Variants in TDRD7 observed in about 807,000 individuals in gnomAD.
The protein encoded by TDRD7 is tudor domain-containing protein 7.
A neutral mutation model predicts 109.8 loss-of-function variants in TDRD7; 47 were observed. The ratio of observed to expected loss-of-function variants is 0.43; its 90% CI spans 0.34 to 0.55. The LOEUF (loss-of-function observed/expected upper bound fraction) is 0.55. Ranked by LOEUF, TDRD7 falls within the 20% of genes least tolerant of loss-of-function variation. The probability of loss-of-function intolerance (pLI) is 0.03; values close to 1 mark genes in which losing one functional copy is unlikely to be tolerated. For missense variants in TDRD7, 1,164 were observed against 1,319.2 expected (o/e 0.88, Z 1.82); for synonymous variants, 424 against 457.3 (o/e 0.93, Z 0.93).
intron 4 of TDRD7, among the ~76,000 whole-genome samples, chr9:97,434,933 G>A (rs924852203): frequency 1.3e-5 from 2 of 152,228 alleles, no homozygotes; most frequent in Middle Eastern, 3.4e-3. Context: ...CATACTGTGT[G>A]ATTTTATTTA....
chr9:97,468,153 G>A (rs1258705297), intron 8 of TDRD7, among the ~76,000 whole-genome samples: 1 of 152,210 alleles, frequency 6.6e-6, no homozygotes, highest in Admixed American at 6.5e-5. Context: ...CAGGTTGGGA[G>A]GCATCAGCAT....
intron 5 of TDRD7, among the ~76,000 whole-genome samples, chr9:97,439,777 C>CTTT (rs1265993750): frequency 2.0e-5 from 3 of 152,196 alleles, no homozygotes; most frequent in Non-Finnish European, 4.4e-5. Context: ...CACTAATCAT[C>CTTT]TAAATATGAA....
At position 97,441,763 on chromosome 9, in the gene TDRD7, A is replaced by C; in HGVS notation, c.743A>C (p.His248Pro). 6.2e-7 allele frequency: 1 copy of C among 1,613,890 alleles called. No individual in the cohort carries two copies. Among genetic ancestry groups the C allele is most frequent in the Non-Finnish European group, 8.5e-7 (1 of 1,179,860 alleles). ...QNRIKEILNK[H>P]NNGIWISKLP... is the part of the protein sequence containing the mutation. ...CGCATAAAGGAAATACTAAACAAGC[A>C]TAACAATGGCATTTGGATATCTAAG... Residue 248 changes from histidine to proline, a missense_variant, in exon 6 of 17, where the codon CAT (histidine) becomes CCT (proline). His to Pro is a moderately conservative substitution (Grantham distance 77, BLOSUM62 -2). Coordinates refer to ENST00000355295, the MANE Select transcript of TDRD7 (RefSeq NM_014290.3).
chr9:97,493,814 C>T (rs543806103), intron 16 of TDRD7, among the ~76,000 whole-genome samples: 9 of 152,314 alleles, frequency 5.9e-5, no homozygotes, highest in Admixed American at 2.0e-4. Flanking sequence ...AAGAATTCAG[C>T]GATATTTCTC....
At chr9:97,465,279 T>A (rs1261810721) in intron 8 of TDRD7, among the ~76,000 whole-genome samples, 1 of 152,168 alleles carries the variant, frequency 6.6e-6, no homozygotes, top group East Asian at 1.9e-4. Flanking sequence ...TAACACATTA[T>A]CCAATCAGGG....
intron 8 of TDRD7, among the ~76,000 whole-genome samples, chr9:97,468,495 C>T (rs142938279): frequency 3.3e-5 from 5 of 152,300 alleles, no homozygotes; most frequent in East Asian, 1.9e-4. Flanking sequence ...TGTAGCAATC[C>T]GGGCCTGAAC....
chr9:97,442,531 TG>T (rs1828325495), intron 6 of TDRD7, among the ~76,000 whole-genome samples: 1 of 152,210 alleles, frequency 6.6e-6, no homozygotes, highest in Admixed American at 6.5e-5. Context: ...TAGAGACAAC[TG>T]GATTCTTACA....
intron 13 of TDRD7, 159 bp downstream of exon 13, chr9:97,478,732 C>A (rs1829065870): frequency 2.1e-6 from 2 of 969,030 alleles, no homozygotes; most frequent in South Asian, 2.7e-5. Context: ...TAAAACATTG[C>A]TGACTTAGAC....
rs1312914108 is a variant in TDRD7, at chr9:97,480,840, T to C, written c.2314T>C (p.Cys772Arg). The C allele has an allele frequency of 1.9e-6, 3 of 1,614,038 alleles. No individual in the cohort carries two copies. Among genetic ancestry groups the C allele is most frequent in the Non-Finnish European group, 2.5e-6 (3 of 1,179,908 alleles). ...ATTTTCTTTTCAGGCCATTAAGTGC[T>C]GTTTAGCAGATCTTCCACAATCTAT... Reference protein sequence around the residue: ...IAIPPQAIKCCLADLPQSIGM... With the variant: ...IAIPPQAIKCRLADLPQSIGM... The change falls in exon 14 of 17, where the codon TGT becomes CGT. Residue 772 changes from cysteine to arginine, a missense_variant. Transcript: ENST00000355295.
At chr9:97,441,081 T>C (rs1828295389) in intron 5 of TDRD7, among the ~76,000 whole-genome samples, 1 of 152,328 alleles carries the variant, frequency 6.6e-6, no homozygotes, top group South Asian at 2.1e-4. Context: ...GAGGCTAGGA[T>C]GATGATGATT....
chr9:97,440,534 G>A (rs1259676125), intron 5 of TDRD7, among the ~76,000 whole-genome samples: 1 of 152,120 alleles, frequency 6.6e-6, no homozygotes, highest in East Asian at 1.9e-4. Flanking sequence ...CCCTTAATAG[G>A]AAATATATGT....
chr9:97,464,781 TC>T, intron 7 of TDRD7, 60 bp from the exon 8 acceptor site: 2 of 1,594,174 alleles, frequency 1.3e-6, no homozygotes, highest in Non-Finnish European at 1.7e-6. Flanking sequence ...AAAAACGAAT[TC>T]CTATTGCTTT....
chr9:97,473,760 A>G, intron 11 of TDRD7, 134 bp downstream of exon 11: 5 of 1,171,640 alleles, frequency 4.3e-6, no homozygotes, highest in Non-Finnish European at 6.1e-6. Flanking sequence ...AATCTCTAGA[A>G]TAGTAGGTAA....
intron 15 of TDRD7, among the ~76,000 whole-genome samples, chr9:97,485,586 C>T (rs370205239): frequency 1.1e-4 from 16 of 152,174 alleles, no homozygotes; most frequent in African/African-American, 2.9e-4. Context: ...CAACCTACAC[C>T]GAAAGTGTTT....
chr9:97,453,227 G>A (rs983694690), intron 6 of TDRD7, among the ~76,000 whole-genome samples: 2 of 152,146 alleles, frequency 1.3e-5, no homozygotes, highest in African/African-American at 4.8e-5. Context: ...GTTTTAAGGT[G>A]GGCTTTACAG....
At chr9:97,455,828 A>G (rs1410840631) in intron 6 of TDRD7, among the ~76,000 whole-genome samples, 8 of 152,202 alleles carry the variant, frequency 5.3e-5, no homozygotes, top group South Asian at 4.1e-4. Context: ...GGCCAGGGCA[A>G]TCAGGCAAAA....
intron 11 of TDRD7, among the ~76,000 whole-genome samples, chr9:97,475,107 T>C (rs1828995411): frequency 6.6e-6 from 1 of 152,190 alleles, no homozygotes; most frequent in African/African-American, 2.4e-5. Flanking sequence ...AGTGCCTAAG[T>C]GAATCATAAT....
At chr9:97,420,608 G>T (rs1827884024) in intron 1 of TDRD7, among the ~76,000 whole-genome samples, 1 of 152,166 alleles carries the variant, frequency 6.6e-6, no homozygotes, top group Non-Finnish European at 1.5e-5. Flanking sequence ...TGTATCAACA[G>T]ATTGTTCCTT....
intron 14 of TDRD7, among the ~76,000 whole-genome samples, chr9:97,481,232 G>A (rs984122705): frequency 6.6e-6 from 1 of 152,148 alleles, no homozygotes; most frequent in Non-Finnish European, 1.5e-5. Context: ...TTCATGATAA[G>A]GGATTAAGTC....
Sources: gnomAD v4.1 joint callset for allele counts (sites outside exome capture counted in the v4.1 genomes callset) on GRCh38, gnomAD v4.1.1 for gene constraint, MANE v1.5 for transcripts, NCBI Gene and HGNC (gene_info 2026-07-23, HGNC 2026-07-21) for gene names.